Variants in EXOSC7 observed in about 807,000 individuals in gnomAD.
EXOSC7 encodes the protein exosome complex component RRP42.
A neutral mutation model predicts 34.3 loss-of-function variants in EXOSC7; 25 were observed. The ratio of observed to expected loss-of-function variants is 0.73; its 90% CI spans 0.53 to 1.02. EXOSC7 has a LOEUF of 1.02. EXOSC7 is among the 50% of genes least tolerant of loss of function. The pLI, the probability that EXOSC7 is intolerant of heterozygous loss-of-function variation, is 0.00. For synonymous variants in EXOSC7, 130 were observed against 143.0 expected (o/e 0.91, Z 0.65); for missense variants, 370 against 368.5 (o/e 1.00, Z -0.03).
downstream of EXOSC7, among the ~76,000 whole-genome samples, chr3:45,011,900 C>CT: frequency 6.6e-6 from 1 of 152,360 alleles, no homozygotes; most frequent in East Asian, 1.9e-4. Context: ...GTGGCAGCCA[C>CT]TTTGGCCCTT....
intron 6 of EXOSC7, among the ~76,000 whole-genome samples, 182 bp from the exon 7 acceptor site, chr3:45,007,238 G>T (rs754235742): frequency 6.6e-6 from 1 of 152,134 alleles, no homozygotes; most frequent in Non-Finnish European, 1.5e-5. Flanking sequence ...CCACACAGTG[G>T]CCTGTGAGAA....
Position 44,976,256 on chromosome 3 carries a change from G to A in EXOSC7, c.-22G>A. On this transcript the variant is annotated 5_prime_UTR_variant, in exon 1 of 8. Transcript: ENST00000265564. ...AGGGGACGCGCGCAGATGACGTGCGGCTCGTGGGGCAGCTCGGCAGCATGG... is the reference window on the plus strand; with the variant it reads ...AGGGGACGCGCGCAGATGACGTGCGACTCGTGGGGCAGCTCGGCAGCATGG... 3 of 1,541,312 alleles carry A rather than the reference G, an allele frequency of 1.9e-6. No homozygotes were observed. The highest frequency in any genetic ancestry group is 1.7e-6 in the Non-Finnish European group (2 of 1,151,062).
intron 5 of EXOSC7, chr3:45,002,033 C>G (rs2125970908): frequency 6.2e-6 from 1 of 160,730 alleles, no homozygotes; most frequent in Admixed American, 6.2e-5. Context: ...TTGCATATTG[C>G]TTGATTGTAC....
chr3:44,989,440 G>A (rs1026757761), intron 2 of EXOSC7, 110 bp from the exon 3 acceptor site: 9 of 929,986 alleles, frequency 9.7e-6, no homozygotes, highest in Non-Finnish European at 1.4e-5. Context: ...CCAAGTCTTA[G>A]CACTGCTCCT....
At position 44,997,185 on chromosome 3, in the gene EXOSC7, G is replaced by A; in HGVS notation, c.353G>A (p.Ser118Asn). 1.2e-6 allele frequency: 2 copies of A among 1,614,062 alleles called. No homozygotes were observed. Among genetic ancestry groups the A allele is most frequent in the Non-Finnish European group, 1.7e-6 (2 of 1,180,016 alleles). Residue 118 changes from serine (S) to asparagine (N), a missense_variant, in exon 4 of 8, where the codon AGT (serine) becomes AAT (asparagine). Coordinates refer to ENST00000265564, the MANE Select transcript of EXOSC7 (RefSeq NM_015004.4). Reference protein sequence around the residue: ...TLYRIFNNKSSVDLKTLCISP... With the variant: ...TLYRIFNNKSNVDLKTLCISP... ...TATCGGATATTTAACAATAAAAGCAGTGTCGACTTAAAGACCCTCTGCATT... is the reference window on the plus strand; with the variant it reads ...TATCGGATATTTAACAATAAAAGCAATGTCGACTTAAAGACCCTCTGCATT...
intron 4 of EXOSC7, among the ~76,000 whole-genome samples, chr3:45,000,937 CA>C (rs1430161667): frequency 2.0e-5 from 3 of 152,180 alleles, no homozygotes; most frequent in Non-Finnish European, 4.4e-5. Context: ...GTTGGTACCA[CA>C]GCCCTGCCAA....
intron 7 of EXOSC7, 34 bp from the exon 8 acceptor site, chr3:45,011,201 G>A (rs748896893): frequency 7.5e-7 from 1 of 1,325,518 alleles, no homozygotes; most frequent in African/African-American, 1.5e-5. Context: ...GCCTTACAAG[G>A]GGGTGTGTGC....
At chr3:44,982,248 G>A (rs1559741017) in intron 1 of EXOSC7, among the ~76,000 whole-genome samples, 1 of 152,196 alleles carries the variant, frequency 6.6e-6, no homozygotes, top group Non-Finnish European at 1.5e-5. Flanking sequence ...GTTTGGTCTG[G>A]TAGTATTTCA....
intron 3 of EXOSC7, among the ~76,000 whole-genome samples, chr3:44,994,859 GT>G (rs1559746601): frequency 0.013 from 101 of 7,486 alleles, no homozygotes; most frequent in Middle Eastern, 0.11. Flanking sequence ...AAGAATGGGT[GT>G]GTGTGTGTGT....
chr3:44,976,277 C>A lies in EXOSC7; in HGVS notation c.-1C>A. On this transcript the variant is annotated 5_prime_UTR_variant, in exon 1 of 8. Coordinates refer to ENST00000265564, the MANE Select transcript of EXOSC7 (RefSeq NM_015004.4). ...TGCGGCTCGTGGGGCAGCTCGGCAG[C>A]ATGGCGTCCGTGACGCTGAGCGAGG... 2 of 1,559,806 alleles carry A rather than the reference C, an allele frequency of 1.3e-6. No homozygotes were observed. Among genetic ancestry groups the A allele is most frequent in the Non-Finnish European group, 1.7e-6 (2 of 1,159,320 alleles).
chr3:44,996,636 G>A (rs1289326244), intron 3 of EXOSC7, among the ~76,000 whole-genome samples: 4 of 152,224 alleles, frequency 2.6e-5, no homozygotes, highest in Admixed American at 2.0e-4. Flanking sequence ...GTATCGTAGT[G>A]TGTTCTAAAG....
intron 4 of EXOSC7, among the ~76,000 whole-genome samples, chr3:45,000,503 G>A (rs992411789): frequency 1.3e-4 from 20 of 152,336 alleles, no homozygotes; most frequent in Middle Eastern, 3.4e-3. Context: ...CTAAAATGAG[G>A]ACAGAAGGAT....
chr3:44,987,273 C>T (rs904209115), intron 1 of EXOSC7, among the ~76,000 whole-genome samples: 8 of 152,132 alleles, frequency 5.3e-5, no homozygotes, highest in Admixed American at 3.3e-4. Flanking sequence ...TAGCATAATA[C>T]GGAGGAGAGT....
chr3:44,982,462 C>T (rs1261397968), intron 1 of EXOSC7, among the ~76,000 whole-genome samples: 1 of 152,192 alleles, frequency 6.6e-6, no homozygotes, highest in African/African-American at 2.4e-5. Context: ...CAGACCTGGC[C>T]ATGGCAATTG....
chr3:45,004,365 C>T (rs1022243034), intron 5 of EXOSC7: 1 of 152,018 alleles, frequency 6.6e-6, no homozygotes, highest in Non-Finnish European at 1.5e-5. Context: ...AAGCGATTCT[C>T]TTACCTCAGC....
At chr3:44,994,611 A>G (rs2125967294) in intron 3 of EXOSC7, among the ~76,000 whole-genome samples, 1 of 152,168 alleles carries the variant, frequency 6.6e-6, no homozygotes, top group African/African-American at 2.4e-5. Context: ...GTGAAGTGGA[A>G]TCCTCATTTC....
chr3:45,000,815 A>G (rs1706853491), intron 4 of EXOSC7, among the ~76,000 whole-genome samples: 1 of 152,122 alleles, frequency 6.6e-6, no homozygotes, highest in Non-Finnish European at 1.5e-5. Flanking sequence ...CTTGGAGTAC[A>G]ATTGGGAGCT....
chr3:45,005,045 A>G (rs927310069), intron 5 of EXOSC7: 28 of 464,528 alleles, frequency 6.0e-5, no homozygotes, highest in Admixed American at 2.8e-4. Context: ...AGGGATTGAG[A>G]TTCTTTTTTT....
intron 3 of EXOSC7, among the ~76,000 whole-genome samples, chr3:44,989,922 G>A (rs1220210680): frequency 6.6e-6 from 1 of 152,056 alleles, no homozygotes; most frequent in Non-Finnish European, 1.5e-5. Flanking sequence ...TTGTGATGAG[G>A]GTCAAATGAA....
Sources: gnomAD v4.1 joint callset for allele counts (sites outside exome capture counted in the v4.1 genomes callset) on GRCh38, gnomAD v4.1.1 for gene constraint, MANE v1.5 for transcripts, NCBI Gene and HGNC (gene_info 2026-07-23, HGNC 2026-07-21) for gene names.